Variants in ASIC2 observed in about 807,000 individuals in gnomAD.
ASIC2 encodes acid sensing ion channel subunit 2.
Under a neutral mutation model 57.3 loss-of-function variants are expected in ASIC2, and 25 were observed. The ratio of observed to expected loss-of-function variants is 0.44; its 90% CI spans 0.32 to 0.61. The LOEUF is 0.61. Among genes scored for constraint, ASIC2 ranks in the 20% least tolerant of loss-of-function variants. The pLI is 0.06. For missense variants in ASIC2, 641 were observed against 738.1 expected (o/e 0.87, Z 1.52); for synonymous variants, 319 against 307.5 (o/e 1.04, Z -0.39).
At position 33,291,440 on chromosome 17, in the gene ASIC2, C is replaced by A; in HGVS notation, c.676G>T (p.Gly226Cys). The A allele has an allele frequency of 6.2e-7, 1 of 1,607,050 alleles. No individual in the cohort carries two copies. The highest frequency in any genetic ancestry group is 2.2e-5 in the East Asian group (1 of 44,718). The stretch of plus-strand genomic sequence containing the variant: ...AAGTTGTGCGGCCCGCAGAGCTCGC[C>A]GCGGTACTTGCAGGAGAGCAGCATG... ...EDMLLSCKYR[G>C]ELCGPHNFSS... The change falls in exon 1 of 10, where the codon GGC becomes TGC. Residue 226 changes from glycine to cysteine, a missense_variant. Coordinates refer to ENST00000225823, the MANE Select transcript of ASIC2 (RefSeq NM_183377.2).
chr17:33,489,377 T>C (rs1227553276), intron 1 of ASIC2, among the ~76,000 whole-genome samples: 3 of 152,168 alleles, frequency 2.0e-5, no homozygotes, highest in Non-Finnish European at 2.9e-5. Context: ...TGTCCATAGA[T>C]GCCGAGGAGC....
chr17:34,050,780 T>C (rs1218839696), intron 1 of ASIC2, among the ~76,000 whole-genome samples: 1 of 152,096 alleles, frequency 6.6e-6, no homozygotes, highest in Non-Finnish European at 1.5e-5. Context: ...AGATGATAAA[T>C]GAGAAATTCA....
intron 1 of ASIC2, among the ~76,000 whole-genome samples, chr17:33,431,803 A>C (rs1303931042): frequency 6.6e-6 from 1 of 152,036 alleles, no homozygotes; most frequent in South Asian, 2.1e-4. Context: ...ACACAAAATC[A>C]TCATAAGAAC....
intron 1 of ASIC2, among the ~76,000 whole-genome samples, chr17:33,336,879 G>C (rs1264459545): frequency 5.3e-5 from 8 of 152,196 alleles, no homozygotes; most frequent in Non-Finnish European, 1.2e-4. Context: ...CTTTGTCAAT[G>C]CGCTCGTGGC....
intron 1 of ASIC2, among the ~76,000 whole-genome samples, chr17:33,707,011 TG>T (rs1322636486): frequency 1.3e-5 from 2 of 152,246 alleles, no homozygotes; most frequent in African/African-American, 4.8e-5. Context: ...TTTGATTTAT[TG>T]CATATCTTTA....
At chr17:33,418,020 ATGTATGTATGTGTGTGTGTG>A (rs1347085539) in intron 1 of ASIC2, among the ~76,000 whole-genome samples, 2,671 of 117,620 alleles carry the variant, frequency 0.023, 58 homozygotes, top group Non-Finnish European at 0.028. Flanking sequence ...GGCTCTCAGC[ATGTATGTATGTGTGTGTGTG>A]TGTGTGTGTG....
chr17:34,078,660 A>G (rs578184642), intron 1 of ASIC2, among the ~76,000 whole-genome samples: 200 of 152,156 alleles, frequency 1.3e-3, no homozygotes, highest in Non-Finnish European at 2.4e-3. Flanking sequence ...CACTTGGGGG[A>G]AACAGAAGCA....
intron 1 of ASIC2, among the ~76,000 whole-genome samples, chr17:34,068,090 A>G (rs1598004609): frequency 1.3e-5 from 2 of 152,228 alleles, no homozygotes; most frequent in East Asian, 3.8e-4. Context: ...AAGTGGAGGC[A>G]TTAGTAAAAG....
intron 1 of ASIC2, among the ~76,000 whole-genome samples, chr17:34,075,872 C>T (rs1420861656): frequency 1.3e-4 from 18 of 140,510 alleles, no homozygotes; most frequent in Non-Finnish European, 2.1e-4. Context: ...GCTGTCGCTC[C>T]GGCTGGAGTG....
At chr17:33,882,759 G>A (rs976523237) in intron 1 of ASIC2, among the ~76,000 whole-genome samples, 11 of 152,186 alleles carry the variant, frequency 7.2e-5, no homozygotes, top group African/African-American at 2.7e-4. Context: ...CCGTTACTGG[G>A]TATATACCCA....
intron 1 of ASIC2, chr17:34,155,776 G>T: frequency 1.7e-6 from 1 of 587,340 alleles, no homozygotes; most frequent in Non-Finnish European, 2.9e-6. Flanking sequence ...TATTTGATCT[G>T]ACAGCAGTGC....
At chr17:33,951,453 T>C (rs1312534802) in intron 1 of ASIC2, among the ~76,000 whole-genome samples, 2 of 152,226 alleles carry the variant, frequency 1.3e-5, no homozygotes, top group Admixed American at 1.3e-4. Context: ...CGTTCCTTTA[T>C]GCTCTGTGGC....
At chr17:33,288,098 A>G (rs2142177559) in intron 1 of ASIC2, among the ~76,000 whole-genome samples, 1 of 152,276 alleles carries the variant, frequency 6.6e-6, no homozygotes, top group East Asian at 1.9e-4. Flanking sequence ...TACATCAGAT[A>G]TGATTCCTAC....
chr17:33,621,518 T>C (rs1489045292), intron 1 of ASIC2, among the ~76,000 whole-genome samples: 2 of 152,196 alleles, frequency 1.3e-5, no homozygotes, highest in African/African-American at 4.8e-5. Context: ...GATAGGTGTA[T>C]CATCCTCCCC....
intron 1 of ASIC2, among the ~76,000 whole-genome samples, chr17:33,125,174 A>T (rs1450044408): frequency 1.3e-5 from 2 of 152,192 alleles, no homozygotes; most frequent in Non-Finnish European, 2.9e-5. Context: ...ACAGGGCAAT[A>T]TGAGGGTCAC....
intron 1 of ASIC2, among the ~76,000 whole-genome samples, chr17:34,094,675 A>G (rs1195692637): frequency 6.6e-6 from 1 of 152,214 alleles, no homozygotes; most frequent in Non-Finnish European, 1.5e-5. Context: ...AATTATCTCC[A>G]AAGTCCATGA....
At position 33,015,878 on chromosome 17, in the gene ASIC2, C is replaced by T; in HGVS notation, c.1590+93G>A. On this transcript the variant is annotated intron_variant, in intron 9 of 9. Transcript: ENST00000225823. ...AGCCATGGAAAGGTGTGCAGTGAGT[C>T]ACATCTTTCCTGCCCGGCCCCAGCA... 3 of 1,368,062 alleles carry T rather than the reference C, an allele frequency of 2.2e-6. No individual in the cohort carries two copies. The South Asian group carries it at 3.7e-5, about 17-fold the overall frequency. 84.7% of individuals were successfully genotyped at this position (1,368,062 alleles called of 1,614,324 possible).
chr17:33,471,492 C>T (rs906309729), intron 1 of ASIC2, among the ~76,000 whole-genome samples: 5 of 152,050 alleles, frequency 3.3e-5, no homozygotes, highest in African/African-American at 7.2e-5. Context: ...TGGATTTGAT[C>T]GCCTGTACTT....
intron 1 of ASIC2, among the ~76,000 whole-genome samples, chr17:33,830,993 C>G (rs1913089947): frequency 6.6e-6 from 1 of 150,834 alleles, no homozygotes; most frequent in African/African-American, 2.4e-5. Flanking sequence ...ACCTGTAATC[C>G]CAGCTACTCG....
Sources: gnomAD v4.1 joint callset for allele counts (sites outside exome capture counted in the v4.1 genomes callset) on GRCh38, gnomAD v4.1.1 for gene constraint, MANE v1.5 for transcripts, NCBI Gene and HGNC (gene_info 2026-07-23, HGNC 2026-07-21) for gene names.